The following LECT2 variants were observed in gnomAD, a reference collection of about 807,000 sequenced individuals.
LECT2 encodes the protein leukocyte cell-derived chemotaxin-2.
In LECT2, 11 loss-of-function variants were observed where a neutral mutation model predicts 16.6. The ratio of observed to expected loss-of-function variants is 0.66; its 90% CI spans 0.42 to 1.09. The LOEUF (loss-of-function observed/expected upper bound fraction) is 1.09. Among genes scored for constraint, LECT2 ranks in the 50% least tolerant of loss-of-function variants. The pLI is 0.00. For missense variants in LECT2, 173 were observed against 184.2 expected (o/e 0.94, Z 0.35); for synonymous variants, 54 against 64.8 (o/e 0.83, Z 0.80).
Position 135,954,826 on chromosome 5 carries a change from G to A in LECT2, c.8C>T (p.Ser3Phe). 6.2e-7 allele frequency: 1 copy of A among 1,612,588 alleles called. No individual in the cohort carries two copies. Among genetic ancestry groups the A allele is most frequent in the East Asian group, 2.2e-5 (1 of 44,844 alleles). Reference protein sequence around the residue: MFSTKALLLAGLI... With the variant: MFFTKALLLAGLI... The stretch of plus-strand genomic sequence containing the variant: ...ACCAGCCAAAAGGAGGGCTTTGGTG[G>A]AAAACATCTGGTTTTACTTCCTTTA... Residue 3 changes from serine (S) to phenylalanine (F), a missense_variant, in exon 1 of 4, where the codon TCC becomes TTC. Transcript: ENST00000274507.
chr5:135,948,669 A>T (rs565195600), intron 3 of LECT2, among the ~76,000 whole-genome samples: 256 of 146,894 alleles, frequency 1.7e-3, no homozygotes, highest in African/African-American at 5.5e-3. Flanking sequence ...TAATAATAAT[A>T]ATAATTATTA....
At position 135,947,444 on chromosome 5, in the gene LECT2, T is replaced by C. The variant is rs553909520; in HGVS notation, c.343A>G (p.Lys115Glu). Reference protein sequence around the residue: ...IKPIKYKGPIKKGEKLGTLLP... With the variant: ...IKPIKYKGPIEKGEKLGTLLP... ...AGAGTTCCAAGTTTTTCTCCCTTCT[T>C]AATAGGACCTTTATACTTAATTGGC... Residue 115 changes from lysine (K) to glutamate (E), a missense_variant, in exon 4 of 4, where the codon AAG (lysine) becomes GAG (glutamate). By Grantham distance (56) the Lys-to-Glu change is moderately conservative. Transcript: ENST00000274507. 5.0e-6 allele frequency: 8 copies of C among 1,614,032 alleles called. No homozygotes were observed. The South Asian group carries it at 7.7e-5, about 16-fold the overall frequency.
chr5:135,954,534 G>C (rs1190094922), intron 1 of LECT2, among the ~76,000 whole-genome samples: 2 of 152,128 alleles, frequency 1.3e-5, no homozygotes, highest in African/African-American at 4.8e-5. Context: ...CCCAGACCCA[G>C]ACTCAGACTG....
At chr5:135,948,685 A>T (rs31524) in intron 3 of LECT2, among the ~76,000 whole-genome samples, 108,791 of 144,380 alleles carry the variant, frequency 0.75, 41,350 homozygotes, top group African/African-American at 0.87. Flanking sequence ...TATTATTATT[A>T]TTTTTTTGAG....
chr5:135,950,441 A>G (rs996493738), intron 3 of LECT2, among the ~76,000 whole-genome samples: 1 of 152,216 alleles, frequency 6.6e-6, no homozygotes, highest in African/African-American at 2.4e-5. Context: ...GCTGGGAATA[A>G]TGACTAAGTG....
chr5:135,950,299 C>T (rs1003783104), intron 3 of LECT2, among the ~76,000 whole-genome samples: 2 of 152,164 alleles, frequency 1.3e-5, no homozygotes, highest in Admixed American at 6.5e-5. Flanking sequence ...GATACAAAAA[C>T]ATAAACTGCA....
chr5:135,949,319 A>G (rs1763759190), intron 3 of LECT2, among the ~76,000 whole-genome samples: 1 of 152,250 alleles, frequency 6.6e-6, no homozygotes, highest in Non-Finnish European at 1.5e-5. Flanking sequence ...CAAATAACCA[A>G]GAATTGCCAA....
intron 1 of LECT2, among the ~76,000 whole-genome samples, chr5:135,954,107 G>A (rs550089773): frequency 8.7e-4 from 133 of 152,318 alleles, no homozygotes; most frequent in African/African-American, 3.1e-3. Context: ...AAGCAAAAGC[G>A]AGAGCCTGGT....
Position 135,947,434 on chromosome 5 carries a change from T to TC in LECT2, c.352dup (p.Glu118GlyfsTer23). The stretch of plus-strand genomic sequence containing the variant: ...CAAGGGCAATAGAGTTCCAAGTTTT[T>TC]CTCCCTTCTTAATAGGACCTTTATA... On this transcript the variant is annotated frameshift_variant, in exon 4 of 4. Coordinates refer to ENST00000274507, the MANE Select transcript of LECT2 (RefSeq NM_002302.3). LOFTEE classifies it high-confidence loss of function. 3 of 1,614,080 alleles carry TC rather than the reference T, an allele frequency of 1.9e-6. No homozygotes were observed. Among genetic ancestry groups the TC allele is most frequent in the Non-Finnish European group, 2.5e-6 (3 of 1,179,950 alleles).
intron 2 of LECT2, 185 bp from the exon 3 acceptor site, chr5:135,951,553 G>C (rs1763797623): frequency 7.8e-6 from 4 of 513,648 alleles, no homozygotes; most frequent in Non-Finnish European, 1.4e-5. Context: ...CCCCGCAGGT[G>C]CTAATAACCA....
chr5:135,952,146 A>G (rs1763804869), intron 2 of LECT2, among the ~76,000 whole-genome samples: 1 of 152,256 alleles, frequency 6.6e-6, no homozygotes, highest in African/African-American at 2.4e-5. Context: ...AATTTTGGCA[A>G]TTCAAGGGAC....
At chr5:135,953,774 T>C (rs1334335301) in intron 1 of LECT2, among the ~76,000 whole-genome samples, 1 of 152,198 alleles carries the variant, frequency 6.6e-6, no homozygotes, top group Non-Finnish European at 1.5e-5. Context: ...TGTTTAACAC[T>C]AGATAAATCT....
Position 135,951,395 on chromosome 5 carries a change from C to G in LECT2, c.144-27G>C, listed in dbSNP as rs199789665. The G allele has an allele frequency of 6.9e-5, 110 of 1,605,456 alleles. No individual in the cohort carries two copies. The African/African-American group carries it at 1.1e-3, about 17-fold the overall frequency. The stretch of plus-strand genomic sequence containing the variant: ...TAGGATGTAAATAAGAACGAACAGA[C>G]TGAGGAACTGCCTTAGGGGAGCTTT... On this transcript the variant is annotated intron_variant, in intron 2 of 3. Transcript: ENST00000274507.
rs1231246140 is a variant in LECT2, at chr5:135,947,508, A to G, written c.290-11T>C. ...TTTTGACACAAAAACCTAAAAGAAA[A>G]TAAGTATAATTATTTATCTGGGCTT... On this transcript the variant is annotated splice_polypyrimidine_tract_variant and intron_variant, in intron 3 of 3. Coordinates refer to ENST00000274507, the MANE Select transcript of LECT2 (RefSeq NM_002302.3). 6.3e-7 allele frequency: 1 copy of G among 1,590,778 alleles called. No individual in the cohort carries two copies. Among genetic ancestry groups the G allele is most frequent in the Non-Finnish European group, 8.6e-7 (1 of 1,166,652 alleles).
chr5:135,951,614 T>C, intron 2 of LECT2: 1 of 395,612 alleles, frequency 2.5e-6, no homozygotes, highest in Non-Finnish European at 4.5e-6. Context: ...TAATAAGCCT[T>C]AAGCAAATAT....
intron 2 of LECT2, among the ~76,000 whole-genome samples, chr5:135,952,269 A>G (rs757945108): frequency 1.4e-4 from 22 of 152,216 alleles, no homozygotes; most frequent in Non-Finnish European, 3.1e-4. Flanking sequence ...CAGTGATATG[A>G]CTGGACACAT....
chr5:135,950,701 C>T (rs1240292722), intron 3 of LECT2: 1 of 154,224 alleles, frequency 6.5e-6, no homozygotes, highest in Non-Finnish European at 1.4e-5. Flanking sequence ...TGCAGAAGTG[C>T]CAGCATTTAT....
intron 2 of LECT2, among the ~76,000 whole-genome samples, chr5:135,951,808 G>A (rs1283266628): frequency 6.6e-6 from 1 of 152,154 alleles, no homozygotes; most frequent in African/African-American, 2.4e-5. Context: ...CTAGAAAAGT[G>A]ATTGTAAACG....
Position 135,954,894 on chromosome 5 carries a change from G to T in LECT2, c.-61C>A. ...GAGTTGCCCCCACACTCTCTTTGAA[G>T]AATATTCAAGTTTGAATGAATACTT... On this transcript the variant is annotated 5_prime_UTR_variant, in exon 1 of 4. Coordinates refer to ENST00000274507, the MANE Select transcript of LECT2 (RefSeq NM_002302.3). 8.2e-7 allele frequency: 1 copy of T among 1,216,060 alleles called. No individual in the cohort carries two copies. The highest frequency in any genetic ancestry group is 1.2e-6 in the Non-Finnish European group (1 of 821,582). 75.3% of individuals were successfully genotyped at this position (1,216,060 alleles called of 1,614,324 possible). A position where few individuals can be genotyped will look rare whatever the true frequency, so the allele number is the denominator to read the frequency against.
Sources: allele counts gnomAD v4.1 joint callset (sites outside exome capture counted in the v4.1 genomes callset), GRCh38; gene constraint gnomAD v4.1.1; transcripts MANE v1.5; gene names NCBI Gene and HGNC (gene_info 2026-07-23, HGNC 2026-07-21).